The following FRK variants were observed in gnomAD, a reference collection of about 807,000 sequenced individuals.
The protein encoded by FRK is tyrosine-protein kinase FRK.
Under a neutral mutation model 56.4 loss-of-function variants are expected in FRK, and 51 were observed. The ratio of observed to expected loss-of-function variants is 0.90; its 90% CI spans 0.72 to 1.14. FRK has a LOEUF of 1.14. Among genes scored for constraint, FRK ranks in the 50% most tolerant of loss-of-function variants. FRK has a pLI of 0.00. For synonymous variants in FRK, 245 were observed against 217.9 expected (o/e 1.12, Z -1.10); for missense variants, 570 against 601.4 (o/e 0.95, Z 0.55).
At chr6:116,088,988 A>T in the FRK span, among the ~76,000 whole-genome samples, 2 of 152,216 alleles carry the variant, frequency 1.3e-5, no homozygotes, top group Non-Finnish European at 2.9e-5. Flanking sequence ...AATAATCAAA[A>T]ATTTAACTCA....
At chr6:115,958,720 A>AAGGAAGG (rs1562257543) in intron 4 of FRK, among the ~76,000 whole-genome samples, 1 of 25,214 alleles carries the variant, frequency 4.0e-5, no homozygotes, top group African/African-American at 1.5e-4. Flanking sequence ...AGAAAGAAAG[A>AAGGAAGG]AAGAAAGAAA....
At chr6:116,051,542 T>C (rs140017940) in intron 1 of FRK, among the ~76,000 whole-genome samples, 2,819 of 152,278 alleles carry the variant, frequency 0.019, 37 homozygotes, top group Middle Eastern at 0.027. Flanking sequence ...TTTGCATCTA[T>C]GCATTTTAGC....
upstream of FRK, among the ~76,000 whole-genome samples, chr6:116,063,326 G>A (rs980145856): frequency 3.3e-5 from 5 of 152,130 alleles, no homozygotes; most frequent in Admixed American, 6.5e-5. Context: ...ATCAATTGAT[G>A]AATGGACAAG....
intron 4 of FRK, among the ~76,000 whole-genome samples, chr6:115,966,243 T>G (rs1260585468): frequency 6.6e-6 from 1 of 152,144 alleles, no homozygotes; most frequent in Non-Finnish European, 1.5e-5. Flanking sequence ...TCTCCAATCT[T>G]AGAATCAGAT....
chr6:116,029,831 T>C (rs1776234256), intron 1 of FRK, among the ~76,000 whole-genome samples: 1 of 152,148 alleles, frequency 6.6e-6, no homozygotes, highest in Non-Finnish European at 1.5e-5. Context: ...TCATTCATCA[T>C]CATCTATCTA....
At position 115,942,273 on chromosome 6, in the gene FRK, C is replaced by T; in HGVS notation, c.*141G>A. On this transcript the variant is annotated 3_prime_UTR_variant, in exon 8 of 8. Transcript: ENST00000606080. ...AATAAAATGCACAAATAATCTTTTT[C>T]ATAATACATGGCCAACTTTATCCTA... 1 of 682,626 alleles carries T rather than the reference C, an allele frequency of 1.5e-6. No individual in the cohort carries two copies. The highest frequency in any genetic ancestry group is 2.7e-5 in the Admixed American group (1 of 37,522). The allele number at this position is 682,626 out of a possible 1,614,324, so 42.3% of individuals were successfully genotyped here.
At chr6:116,065,703 C>A (rs796266463), upstream of FRK, among the ~76,000 whole-genome samples, 30 of 152,322 alleles carry the variant, frequency 2.0e-4, no homozygotes, top group African/African-American at 7.0e-4. Context: ...AACCTATACC[C>A]ATTTTTGTCA....
the FRK span, among the ~76,000 whole-genome samples, chr6:116,097,514 GTAT>G: frequency 6.6e-6 from 1 of 152,074 alleles, no homozygotes; most frequent in South Asian, 2.1e-4. Flanking sequence ...TTAAAATAAA[GTAT>G]TATAAATTCA....
At chr6:115,952,681 A>G (rs1466767827) in intron 5 of FRK, among the ~76,000 whole-genome samples, 1 of 151,444 alleles carries the variant, frequency 6.6e-6, no homozygotes, top group Non-Finnish European at 1.5e-5. Flanking sequence ...CCAAATGTCC[A>G]ACAATGATAG....
At chr6:116,048,847 G>A (rs1273662912) in intron 1 of FRK, among the ~76,000 whole-genome samples, 1 of 152,086 alleles carries the variant, frequency 6.6e-6, no homozygotes, top group East Asian at 1.9e-4. Context: ...AATTTGCCTT[G>A]CAGAGCTATT....
intron 1 of FRK, among the ~76,000 whole-genome samples, chr6:116,024,554 T>G (rs981310898): frequency 6.6e-6 from 1 of 152,066 alleles, no homozygotes; most frequent in African/African-American, 2.4e-5. Context: ...CTGAGAATGA[T>G]GATTTCCAAC....
At chr6:116,003,770 G>T in intron 2 of FRK, 107 bp downstream of exon 2, 1 of 1,283,662 alleles carries the variant, frequency 7.8e-7, no homozygotes, top group Non-Finnish European at 1.1e-6. Flanking sequence ...CTACTGTAAA[G>T]ATAAGAAATA....
chr6:115,981,613 A>G (rs1406171233), intron 2 of FRK, among the ~76,000 whole-genome samples: 4 of 152,214 alleles, frequency 2.6e-5, no homozygotes, highest in African/African-American at 9.6e-5. Flanking sequence ...CTCAGGACTC[A>G]ATTCCTCTTC....
chr6:115,982,771 T>C (rs1323763830), intron 2 of FRK, among the ~76,000 whole-genome samples: 3 of 151,966 alleles, frequency 2.0e-5, no homozygotes, highest in Non-Finnish European at 2.9e-5. Flanking sequence ...TCTTTATGAG[T>C]AATAATAAAA....
chr6:115,984,845 T>A (rs1774333357), intron 2 of FRK, among the ~76,000 whole-genome samples: 1 of 152,076 alleles, frequency 6.6e-6, no homozygotes, highest in African/African-American at 2.4e-5. Flanking sequence ...TGAAACAAAT[T>A]TGTTTCGATG....
chr6:116,064,349 C>T (rs1373212201), upstream of FRK, among the ~76,000 whole-genome samples: 1 of 152,136 alleles, frequency 6.6e-6, no homozygotes, highest in Non-Finnish European at 1.5e-5. Context: ...GAACTGAATT[C>T]CCTTCTCTGA....
chr6:116,096,683 C>T, the FRK span, among the ~76,000 whole-genome samples: 8 of 151,528 alleles, frequency 5.3e-5, no homozygotes, highest in Admixed American at 2.6e-4. Context: ...GACCAATCAG[C>T]GCTCTGTAAA....
chr6:116,001,449 C>T (rs1031903302), intron 2 of FRK, among the ~76,000 whole-genome samples: 1 of 152,074 alleles, frequency 6.6e-6, no homozygotes, highest in Non-Finnish European at 1.5e-5. Context: ...GCTAACTGGT[C>T]CTAAATTTAA....
chr6:115,977,629 C>T (rs1193608), intron 2 of FRK, among the ~76,000 whole-genome samples: 109,777 of 152,014 alleles, frequency 0.72, 39,947 homozygotes, highest in South Asian at 0.89. Flanking sequence ...TGTTACTGGT[C>T]AAGAAGCCCA....
Sources: allele counts gnomAD v4.1 joint callset (sites outside exome capture counted in the v4.1 genomes callset), GRCh38; gene constraint gnomAD v4.1.1; transcripts MANE v1.5; gene names NCBI Gene and HGNC (gene_info 2026-07-23, HGNC 2026-07-21).